Variants in PACRG observed in about 807,000 individuals in gnomAD.
PACRG encodes parkin coregulated gene protein.
A neutral mutation model predicts 29.7 loss-of-function variants in PACRG; 29 were observed. The ratio of observed to expected loss-of-function variants is 0.98; its 90% CI spans 0.73 to 1.33. The LOEUF is 1.33. Ranked by LOEUF, PACRG falls within the 40% of genes most tolerant of loss-of-function variation. The pLI is 0.00. For missense variants in PACRG, 279 were observed against 316.2 expected (o/e 0.88, Z 0.89); for synonymous variants, 116 against 118.7 (o/e 0.98, Z 0.15).
intron 4 of PACRG, among the ~76,000 whole-genome samples, chr6:163,252,974 G>A (rs1782967292): frequency 6.6e-6 from 1 of 152,150 alleles, no homozygotes; most frequent in South Asian, 2.1e-4. Context: ...CAGATGTCAA[G>A]AACTACAAAG....
intron 4 of PACRG, among the ~76,000 whole-genome samples, chr6:163,093,388 G>A (rs769745807): frequency 6.6e-6 from 1 of 152,198 alleles, no homozygotes; most frequent in South Asian, 2.1e-4. Context: ...ACAGCCAATA[G>A]CAATTTATTC....
At chr6:162,732,730 A>G (rs1779868802) in intron 1 of PACRG, among the ~76,000 whole-genome samples, 1 of 152,146 alleles carries the variant, frequency 6.6e-6, no homozygotes, top group Admixed American at 6.6e-5. Flanking sequence ...AATATCATCC[A>G]CCTATCAATT....
chr6:163,296,118 G>A lies in PACRG; in HGVS notation c.614-18709G>A, dbSNP rs546845372. Among the ~76,000 whole-genome samples the A allele has an allele frequency of 2.0e-5, 3 of 152,218 alleles. No individual in the cohort carries two copies. The East Asian group carries it at 5.8e-4, about 29-fold the overall frequency. ...TTACTTTATTCTTCAGGAAATATAG[G>A]CCCCCAAAGTCTATTTCTTGCCAAA... On this transcript the variant is annotated intron_variant, in intron 4 of 4. Coordinates refer to ENST00000366888, the MANE Select transcript of PACRG (RefSeq NM_001080379.2).
At chr6:163,313,401 C>G in intron 4 of PACRG, among the ~76,000 whole-genome samples, 1 of 151,970 alleles carries the variant, frequency 6.6e-6, no homozygotes, top group Non-Finnish European at 1.5e-5. Context: ...GTGTATATCA[C>G]AGAAGACAGT....
chr6:163,102,087 A>G (rs2128314313), intron 4 of PACRG, among the ~76,000 whole-genome samples: 1 of 152,294 alleles, frequency 6.6e-6, no homozygotes, highest in East Asian at 1.9e-4. Context: ...ATCAATGTGT[A>G]CAGCCACGGA....
intron 2 of PACRG, among the ~76,000 whole-genome samples, chr6:162,874,063 C>T (rs1793056188): frequency 1.3e-5 from 2 of 150,504 alleles, no homozygotes; most frequent in East Asian, 1.9e-4. Flanking sequence ...TGTGCATAAA[C>T]TCAATATTGG....
intron 2 of PACRG, among the ~76,000 whole-genome samples, chr6:162,950,523 AAATT>A (rs1356319485): frequency 1.1e-4 from 2 of 17,498 alleles, no homozygotes; most frequent in Non-Finnish European, 1.2e-3. Context: ...ATAAATAAAT[AAATT>A]AATTAATAAT....
intron 2 of PACRG, among the ~76,000 whole-genome samples, chr6:162,852,369 C>CG (rs1185929691): frequency 6.6e-6 from 1 of 152,178 alleles, no homozygotes; most frequent in East Asian, 1.9e-4. Context: ...TACTGACCCC[C>CG]GGGGGCCAGG....
intron 1 of PACRG, among the ~76,000 whole-genome samples, chr6:162,799,372 T>C (rs1785656517): frequency 6.6e-6 from 1 of 152,220 alleles, no homozygotes; most frequent in Non-Finnish European, 1.5e-5. Context: ...CATGGTCGAA[T>C]AGACTGTGGT....
At chr6:163,103,864 T>C (rs1392866143) in intron 4 of PACRG, among the ~76,000 whole-genome samples, 1 of 152,178 alleles carries the variant, frequency 6.6e-6, no homozygotes, top group African/African-American at 2.4e-5. Context: ...AAGCTGAGCA[T>C]TGGATCAAAT....
chr6:163,050,427 C>T lies in PACRG; in HGVS notation c.292-11723C>T, dbSNP rs372362567. On this transcript the variant is annotated intron_variant, in intron 2 of 4. Coordinates refer to ENST00000366888, the MANE Select transcript of PACRG (RefSeq NM_001080379.2). Reference sequence around the variant, plus strand: ...GTATCTTAGCCCCGCTTTATAAACCCGCCATATTGATGATTTAAAAAACTC... The same window carrying T: ...GTATCTTAGCCCCGCTTTATAAACCTGCCATATTGATGATTTAAAAAACTC... Among the ~76,000 whole-genome samples, 14 of 152,066 alleles carry T rather than the reference C, an allele frequency of 9.2e-5. No homozygotes were observed. In the East Asian group the frequency reaches 1.9e-3, roughly 21 times the overall value.
Position 162,890,709 on chromosome 6 carries a change from G to A in PACRG, c.291+76428G>A, listed in dbSNP as rs536422597. Among the ~76,000 whole-genome samples, 3 of 152,322 alleles carry A rather than the reference G, an allele frequency of 2.0e-5. No individual in the cohort carries two copies. The South Asian group carries it at 6.2e-4, about 32-fold the overall frequency. Reference sequence around the variant, plus strand: ...GTCATAGGAACAGCATGTGCCCCACGTGGGCATTCTCCTCAGTCTTTATAT... The same window carrying A: ...GTCATAGGAACAGCATGTGCCCCACATGGGCATTCTCCTCAGTCTTTATAT... On this transcript the variant is annotated intron_variant, in intron 2 of 4. Transcript: ENST00000366888.
intron 2 of PACRG, among the ~76,000 whole-genome samples, chr6:162,987,269 G>T (rs1391111332): frequency 6.6e-6 from 1 of 152,098 alleles, no homozygotes; most frequent in African/African-American, 2.4e-5. Flanking sequence ...GAGCCAGATT[G>T]CATTGATTGT....
chr6:162,752,110 G>A (rs994808468), intron 1 of PACRG, among the ~76,000 whole-genome samples: 3 of 152,122 alleles, frequency 2.0e-5, no homozygotes, highest in South Asian at 2.1e-4. Context: ...AAGAAGACAC[G>A]AAACAAGTTC....
intron 4 of PACRG, among the ~76,000 whole-genome samples, chr6:163,115,315 A>G (rs1439780934): frequency 6.6e-6 from 1 of 152,120 alleles, no homozygotes; most frequent in Admixed American, 6.5e-5. Flanking sequence ...AAGGCTTTCT[A>G]GGGGACCAGT....
In PACRG at chr6:163,306,620, A is replaced by G. The variant is rs191857165; in HGVS notation, c.614-8207A>G. Among the ~76,000 whole-genome samples the G allele has an allele frequency of 2.7e-4, 41 of 152,364 alleles. No homozygotes were observed. The East Asian group carries it at 7.5e-3, about 28-fold the overall frequency. ...AGCATTTGATGTAGGGTGTCAACAAATAATATGAATTTTGCACAGTGCTCT... is the reference window on the plus strand; with the variant it reads ...AGCATTTGATGTAGGGTGTCAACAAGTAATATGAATTTTGCACAGTGCTCT... On this transcript the variant is annotated intron_variant, in intron 4 of 4. Coordinates refer to ENST00000366888, the MANE Select transcript of PACRG (RefSeq NM_001080379.2).
At chr6:162,736,081 A>C (rs1259963324) in intron 1 of PACRG, among the ~76,000 whole-genome samples, 1 of 152,200 alleles carries the variant, frequency 6.6e-6, no homozygotes, top group Non-Finnish European at 1.5e-5. Flanking sequence ...TCATTATCAC[A>C]AAAGGAGAAG....
At chr6:162,842,183 G>T (rs1481344664) in intron 2 of PACRG, among the ~76,000 whole-genome samples, 2 of 149,540 alleles carry the variant, frequency 1.3e-5, no homozygotes, top group Non-Finnish European at 3.0e-5. Context: ...TCTGTCTAAT[G>T]TTGACAGTGG....
chr6:162,862,314 G>A (rs1327199724), intron 2 of PACRG, among the ~76,000 whole-genome samples: 2 of 152,172 alleles, frequency 1.3e-5, no homozygotes, highest in Non-Finnish European at 2.9e-5. Flanking sequence ...TCATTACACT[G>A]GGAAGTGAGA....
Sources: allele counts gnomAD v4.1 joint callset (sites outside exome capture counted in the v4.1 genomes callset), GRCh38; gene constraint gnomAD v4.1.1; transcripts MANE v1.5; gene names NCBI Gene and HGNC (gene_info 2026-07-23, HGNC 2026-07-21).